The following GBF1 variants were observed in gnomAD, a reference collection of about 807,000 sequenced individuals.
GBF1 encodes the protein golgi brefeldin A resistant guanine nucleotide exchange factor 1.
GBF1 carries 114 observed loss-of-function variants against 210.5 expected under a neutral mutation model. The ratio of observed to expected loss-of-function variants is 0.54; its 90% CI spans 0.47 to 0.63. The LOEUF (loss-of-function observed/expected upper bound fraction) is 0.63. Among genes scored for constraint, GBF1 ranks in the 30% least tolerant of loss-of-function variants. The pLI, the probability that GBF1 is intolerant of heterozygous loss-of-function variation, is 0.00. For missense variants in GBF1, 1,851 were observed against 2,357.7 expected (o/e 0.79, Z 4.45); for synonymous variants, 850 against 889.2 (o/e 0.96, Z 0.78).
chr10:102,256,214 G>A (rs1383928524), intron 1 of GBF1, among the ~76,000 whole-genome samples: 2 of 152,140 alleles, frequency 1.3e-5, no homozygotes, highest in Non-Finnish European at 2.9e-5. Flanking sequence ...CAAAGTGTTA[G>A]GGATTACAGG....
intron 1 of GBF1, among the ~76,000 whole-genome samples, chr10:102,258,490 G>A (rs1194481006): frequency 4.0e-5 from 6 of 149,076 alleles, no homozygotes; most frequent in Non-Finnish European, 8.9e-5. Context: ...TTTTGGTACT[G>A]GCCAGGTGCA....
At position 102,363,686 on chromosome 10, in the gene GBF1, C is replaced by T; in HGVS notation, c.2018-24C>T. 2 of 1,486,060 alleles carry T rather than the reference C, an allele frequency of 1.3e-6. No individual in the cohort carries two copies. Among genetic ancestry groups the T allele is most frequent in the African/African-American group, 1.4e-5 (1 of 72,558 alleles). The allele number at this position is 1,486,060 out of a possible 1,614,324, so 92.1% of individuals were successfully genotyped here. ...GTAAAAAAAGGTGTTACAGATATTTCCCCCCTCTTCTTCCTACTCCTAGCT... is the reference window on the plus strand; with the variant it reads ...GTAAAAAAAGGTGTTACAGATATTTTCCCCCTCTTCTTCCTACTCCTAGCT... On this transcript the variant is annotated intron_variant, in intron 16 of 39. Transcript: ENST00000369983. The surrounding 1 kb of genome is among the most constrained non-coding windows in gnomAD (Gnocchi z 4.2).
intron 4 of GBF1, among the ~76,000 whole-genome samples, chr10:102,347,090 T>C (rs2058626993): frequency 6.6e-6 from 1 of 152,196 alleles, no homozygotes; most frequent in African/African-American, 2.4e-5. Context: ...TTTTCCCTGA[T>C]TGGCAGCCCA....
At chr10:102,315,558 C>T (rs991606561) in intron 3 of GBF1, among the ~76,000 whole-genome samples, 2 of 152,166 alleles carry the variant, frequency 1.3e-5, no homozygotes, top group Non-Finnish European at 2.9e-5. Flanking sequence ...AGTGTTCGAC[C>T]TCAGCTCATC....
chr10:102,325,880 C>T (rs1050576748), intron 3 of GBF1, among the ~76,000 whole-genome samples: 1 of 152,124 alleles, frequency 6.6e-6, no homozygotes, highest in Admixed American at 6.5e-5. Context: ...GAACTCCTGA[C>T]CTCAAGTGAT....
At chr10:102,369,474 GA>G in intron 24 of GBF1, 87 bp downstream of exon 24, 1 of 1,127,968 alleles carries the variant, frequency 8.9e-7, no homozygotes. Flanking sequence ...AAGTGGTTGA[GA>G]GTAATGTTGG....
At chr10:102,377,500 C>T (rs1242827050) in intron 33 of GBF1, among the ~76,000 whole-genome samples, 3 of 152,016 alleles carry the variant, frequency 2.0e-5, no homozygotes, top group Non-Finnish European at 4.4e-5. Context: ...ACTACAGGCG[C>T]GTGCCACCAT....
chr10:102,337,712 C>T (rs1455311495), intron 3 of GBF1, among the ~76,000 whole-genome samples: 2 of 152,066 alleles, frequency 1.3e-5, no homozygotes, highest in African/African-American at 4.8e-5. Flanking sequence ...TAAAAATTAG[C>T]TGGGCCTGGT....
intron 3 of GBF1, among the ~76,000 whole-genome samples, chr10:102,318,418 TG>T (rs1475642969): frequency 1.2e-4 from 18 of 150,964 alleles, no homozygotes; most frequent in South Asian, 1.0e-3. Flanking sequence ...CTTGAACTCC[TG>T]GGCTCAAGCG....
intron 3 of GBF1, among the ~76,000 whole-genome samples, chr10:102,316,586 C>T (rs1261108091): frequency 6.6e-6 from 1 of 152,228 alleles, no homozygotes; most frequent in African/African-American, 2.4e-5. Flanking sequence ...AGATATAAAA[C>T]TGTGCCACAG....
intron 3 of GBF1, among the ~76,000 whole-genome samples, chr10:102,299,869 C>T (rs999660837): frequency 6.6e-5 from 10 of 152,118 alleles, no homozygotes; most frequent in African/African-American, 2.4e-4. Flanking sequence ...CAGTACATAA[C>T]TATATACTAA....
intron 3 of GBF1, among the ~76,000 whole-genome samples, chr10:102,263,760 C>T (rs564380288): frequency 2.6e-5 from 4 of 152,212 alleles, no homozygotes; most frequent in African/African-American, 9.6e-5. Flanking sequence ...ACTACAAGGT[C>T]TATAGCATTT....
intron 3 of GBF1, among the ~76,000 whole-genome samples, chr10:102,269,959 A>G (rs1479735470): frequency 6.6e-6 from 1 of 150,444 alleles, no homozygotes; most frequent in Non-Finnish European, 1.5e-5. Context: ...GCTCACTGCC[A>G]GCTCTGCCTT....
chr10:102,230,903 A>C, the GBF1 span: 2 of 1,611,688 alleles, frequency 1.2e-6, no homozygotes, highest in Non-Finnish European at 1.7e-6. Flanking sequence ...ACCGAGTTGA[A>C]GGCGAATGGA....
In GBF1 at chr10:102,368,546, C is replaced by G. The variant is rs1035019277; in HGVS notation, c.2879+92C>G. The G allele has an allele frequency of 3.0e-5, 27 of 885,608 alleles. No individual in the cohort carries two copies. The African/African-American group carries it at 4.4e-4, about 15-fold the overall frequency. 54.9% of individuals were successfully genotyped at this position (885,608 alleles called of 1,614,324 possible). A position where few individuals can be genotyped will look rare whatever the true frequency, so the allele number is the denominator to read the frequency against. On this transcript the variant is annotated intron_variant, in intron 22 of 39. Transcript: ENST00000369983. ...GCCTCTCTGACTCCTACTGTTACTT[C>G]ATTAGAATGGGGTTCCCCCTGAGTT...
chr10:102,376,817 G>T lies in GBF1; in HGVS notation c.4288+17G>T, dbSNP rs1266604751. The T allele has an allele frequency of 6.2e-7, 1 of 1,608,702 alleles. No individual in the cohort carries two copies. Among genetic ancestry groups the T allele is most frequent in the Admixed American group, 1.7e-5 (1 of 60,006 alleles). On this transcript the variant is annotated intron_variant, in intron 32 of 39. Transcript: ENST00000369983. ...TGAATGGCGGTGGGTCAGCTGATGA[G>T]GGGGCAGCTGGGGAGTAGCCATGCA... is the stretch of plus-strand genomic sequence containing the variant.
At chr10:102,365,317 TG>T in intron 17 of GBF1, 79 bp from the exon 18 acceptor site, 1 of 1,004,894 alleles carries the variant, frequency 1.0e-6, no homozygotes, top group Non-Finnish European at 1.5e-6. Flanking sequence ...CAACTGTGGG[TG>T]GGCTATGGTG....
chr10:102,348,680 C>T (rs2058740269), intron 4 of GBF1, among the ~76,000 whole-genome samples: 1 of 152,176 alleles, frequency 6.6e-6, no homozygotes, highest in African/African-American at 2.4e-5. Context: ...TATTATATGT[C>T]ATGAAACTGG....
At position 102,320,560 on chromosome 10, in the gene GBF1, G is replaced by C. The variant is rs536101236; in HGVS notation, c.164-23491G>C. 8.6e-5 allele frequency among the ~76,000 whole-genome samples: 13 copies of C among 151,916 alleles called. No individual in the cohort carries two copies. In the South Asian group the frequency reaches 2.7e-3, roughly 32 times the overall value. On this transcript the variant is annotated intron_variant, in intron 3 of 39. Transcript: ENST00000369983. Reference sequence around the variant, plus strand: ...TTCCATGTCTCACCTTCTACCTGGTGCCTCCTTCCAGAGCTTGTTTCTTAT... The same window carrying C: ...TTCCATGTCTCACCTTCTACCTGGTCCCTCCTTCCAGAGCTTGTTTCTTAT...
Sources: gnomAD v4.1 joint callset for allele counts (sites outside exome capture counted in the v4.1 genomes callset) on GRCh38, gnomAD v4.1.1 for gene constraint, Gnocchi (gnomAD v3.1) non-coding constraint, MANE v1.5 for transcripts, NCBI Gene and HGNC (gene_info 2026-07-23, HGNC 2026-07-21) for gene names.